MAML3: variants seen among roughly 807,000 people sequenced by gnomAD.
The protein encoded by MAML3 is mastermind like transcriptional coactivator 3.
In MAML3, 27 loss-of-function variants were observed where a neutral mutation model predicts 101.9. The observed-to-expected ratio is 0.27, with a 90% confidence interval of 0.20 to 0.37. The LOEUF is 0.37. MAML3 is among the 10% of genes least tolerant of loss of function. The pLI, the probability that MAML3 is intolerant of heterozygous loss-of-function variation, is 1.00. For synonymous variants in MAML3, 501 were observed against 555.9 expected, an observed-to-expected ratio of 0.90 and a Z score of 1.39; for missense variants, 1,316 against 1,444.9, an observed-to-expected ratio of 0.91 and a Z score of 1.45.
Position 139,893,613 on chromosome 4 carries a change from A to C in MAML3, c.469-2646T>G, listed in dbSNP as rs10021024. ...GGGCTAAGAGAAGAGTTTGAATCTGAGCAGGAGGCAGCCCCATTGACCATA... is the reference window on the plus strand; with the variant it reads ...GGGCTAAGAGAAGAGTTTGAATCTGCGCAGGAGGCAGCCCCATTGACCATA... On this transcript the variant is annotated intron_variant, in intron 1 of 4. Transcript: ENST00000509479. Among the ~76,000 whole-genome samples, 445 of 152,276 alleles carry C rather than the reference A, an allele frequency of 2.9e-3. 1 individual carries two copies. The highest frequency in any genetic ancestry group is 9.6e-3 in the African/African-American group (399 of 41,568).
chr4:139,865,690 C>G (rs1458231502), intron 2 of MAML3, among the ~76,000 whole-genome samples: 1 of 152,200 alleles, frequency 6.6e-6, no homozygotes, highest in African/African-American at 2.4e-5. Flanking sequence ...TTAATCTCCT[C>G]ACCAAGTCTT....
chr4:139,765,145 A>G (rs1175437912), intron 2 of MAML3, among the ~76,000 whole-genome samples: 1 of 152,142 alleles, frequency 6.6e-6, no homozygotes, highest in African/African-American at 2.4e-5. Flanking sequence ...AGGGATTATT[A>G]TTTATTTTCT....
At chr4:139,734,653 A>G (rs1271013748) in intron 2 of MAML3, among the ~76,000 whole-genome samples, 3 of 152,266 alleles carry the variant, frequency 2.0e-5, no homozygotes. Flanking sequence ...TCCCCCAAAC[A>G]GGCAGTTTTC....
At chr4:140,126,870 C>G (rs553225060) in intron 1 of MAML3, among the ~76,000 whole-genome samples, 17 of 152,316 alleles carry the variant, frequency 1.1e-4, no homozygotes, top group African/African-American at 2.9e-4. Flanking sequence ...CTCAGTCCCC[C>G]CTGTCTACTC....
At chr4:139,780,074 G>A (rs1045499851) in intron 2 of MAML3, among the ~76,000 whole-genome samples, 1 of 152,218 alleles carries the variant, frequency 6.6e-6, no homozygotes, top group African/African-American at 2.4e-5. Context: ...CATGCTGTCC[G>A]AGGCGGTACC....
At chr4:139,925,359 A>C (rs1178396927) in intron 1 of MAML3, among the ~76,000 whole-genome samples, 1 of 152,136 alleles carries the variant, frequency 6.6e-6, no homozygotes, top group Non-Finnish European at 1.5e-5. Context: ...CCTCCTGAGT[A>C]GCTGAGATTA....
rs1274964548 is a variant in MAML3, at chr4:139,717,883, C to T, written c.*1440G>A. On this transcript the variant is annotated 3_prime_UTR_variant, in exon 5 of 5. Coordinates refer to ENST00000509479, the MANE Select transcript of MAML3 (RefSeq NM_018717.5). ...CTTGTTGATTCCTTCTGACAGATTT[C>T]GCTTAGGGCAGATGTGCGTCAATTG... The T allele has an allele frequency of 3.9e-5, 6 of 152,112 alleles. No homozygotes were observed. Among genetic ancestry groups the T allele is most frequent in the Admixed American group, 3.3e-4 (5 of 15,268 alleles). 9.4% of individuals were successfully genotyped at this position (152,112 alleles called of 1,614,324 possible).
chr4:140,123,959 A>G (rs1728647551), intron 1 of MAML3, among the ~76,000 whole-genome samples: 2 of 152,178 alleles, frequency 1.3e-5, no homozygotes, highest in South Asian at 4.1e-4. Context: ...CGTATTTCAC[A>G]ATGAACCCCA....
intron 1 of MAML3, among the ~76,000 whole-genome samples, chr4:140,119,012 T>A (rs1442461379): frequency 6.6e-6 from 1 of 152,190 alleles, no homozygotes; most frequent in East Asian, 1.9e-4. Context: ...AGGGGAATGG[T>A]AGTAAGCAGC....
chr4:140,064,056 T>A (rs971192151), intron 1 of MAML3, among the ~76,000 whole-genome samples: 1 of 152,218 alleles, frequency 6.6e-6, no homozygotes, highest in African/African-American at 2.4e-5. Flanking sequence ...GAAAACTCCA[T>A]TTCTTACCTT....
At chr4:139,769,885 G>A (rs976028707) in intron 2 of MAML3, among the ~76,000 whole-genome samples, 1 of 148,532 alleles carries the variant, frequency 6.7e-6, no homozygotes, top group Non-Finnish European at 1.5e-5. Flanking sequence ...AAAGGGCTTG[G>A]ATTACAGGCG....
At chr4:139,861,342 C>T (rs980362237) in intron 2 of MAML3, among the ~76,000 whole-genome samples, 3 of 152,252 alleles carry the variant, frequency 2.0e-5, no homozygotes, top group African/African-American at 7.2e-5. Flanking sequence ...ACATCCTTGG[C>T]CCCTGCTTCT....
intron 1 of MAML3, among the ~76,000 whole-genome samples, chr4:140,092,181 C>T (rs1728071697): frequency 6.8e-6 from 1 of 148,030 alleles, no homozygotes; most frequent in African/African-American, 2.5e-5. Flanking sequence ...GGAACTCAGA[C>T]TTAATTTAAC....
intron 2 of MAML3, among the ~76,000 whole-genome samples, chr4:139,833,532 CAGG>C (rs1731206952): frequency 6.6e-6 from 1 of 152,044 alleles, no homozygotes; most frequent in Non-Finnish European, 1.5e-5. Context: ...AGAGAAAAGA[CAGG>C]AGAAAACCGA....
intron 1 of MAML3, among the ~76,000 whole-genome samples, chr4:140,149,511 G>A (rs1194824066): frequency 6.6e-6 from 1 of 152,156 alleles, no homozygotes; most frequent in African/African-American, 2.4e-5. Flanking sequence ...AATCAAAAGA[G>A]GCAAAGCCCT....
chr4:140,088,682 C>T (rs888148913), intron 1 of MAML3, among the ~76,000 whole-genome samples: 6 of 151,998 alleles, frequency 3.9e-5, no homozygotes, highest in African/African-American at 1.2e-4. Context: ...ACCAAGAAAA[C>T]GCATTGCCAG....
intron 1 of MAML3, among the ~76,000 whole-genome samples, chr4:139,911,081 C>T (rs945510750): frequency 6.6e-6 from 1 of 152,228 alleles, no homozygotes; most frequent in Non-Finnish European, 1.5e-5. Flanking sequence ...AACCACCACT[C>T]TACTTTCTGT....
chr4:139,761,934 C>T (rs1729767541), intron 2 of MAML3, among the ~76,000 whole-genome samples: 1 of 152,020 alleles, frequency 6.6e-6, no homozygotes, highest in Non-Finnish European at 1.5e-5. Flanking sequence ...AAAGAACAGC[C>T]CTGTGGACAA....
At chr4:140,007,201 A>G (rs1196520837) in intron 1 of MAML3, among the ~76,000 whole-genome samples, 1 of 152,260 alleles carries the variant, frequency 6.6e-6, no homozygotes, top group Admixed American at 6.5e-5. Context: ...CTTTGTAGAG[A>G]GAAAAGTAAG....
Sources: gnomAD v4.1 joint callset for allele counts (sites outside exome capture counted in the v4.1 genomes callset) on GRCh38, gnomAD v4.1.1 for gene constraint, MANE v1.5 for transcripts, NCBI Gene and HGNC (gene_info 2026-07-23, HGNC 2026-07-21) for gene names.